Variants in WDR49 observed in about 807,000 individuals in gnomAD.
WDR49 encodes the protein WD repeat domain 49.
WDR49 carries 107 observed loss-of-function variants against 119.5 expected under a neutral mutation model. The observed-to-expected ratio is 0.90, with a 90% CI of 0.77 to 1.05. The LOEUF is 1.05. Among genes scored for constraint, WDR49 ranks in the 50% least tolerant of loss-of-function variants. The pLI is 0.00. For synonymous variants in WDR49, 425 were observed against 418.8 expected (o/e 1.01, Z -0.18); for missense variants, 1,240 against 1,220.5 (o/e 1.02, Z -0.24).
intron 2 of WDR49, among the ~76,000 whole-genome samples, chr3:167,630,183 C>T (rs1717306977): frequency 6.6e-6 from 1 of 152,052 alleles, no homozygotes; most frequent in Non-Finnish European, 1.5e-5. Context: ...AACAAAATTG[C>T]CACAGCCGTC....
At chr3:167,531,043 T>A in intron 13 of WDR49, 72 bp downstream of exon 13, 1 of 1,484,232 alleles carries the variant, frequency 6.7e-7, no homozygotes, top group Non-Finnish European at 9.1e-7. Context: ...CTACAAGATC[T>A]AGTAGAAATA....
intron 16 of WDR49, among the ~76,000 whole-genome samples, chr3:167,511,147 A>G (rs982413462): frequency 6.6e-6 from 1 of 152,212 alleles, no homozygotes; most frequent in African/African-American, 2.4e-5. Context: ...ATTCCTGATC[A>G]TATTCCTGGG....
chr3:167,546,099 G>C (rs888474714), intron 10 of WDR49, among the ~76,000 whole-genome samples: 6 of 151,752 alleles, frequency 4.0e-5, no homozygotes, highest in Non-Finnish European at 7.4e-5. Context: ...CAGTGGGAGA[G>C]AGAAGGTCAA....
intron 10 of WDR49, among the ~76,000 whole-genome samples, chr3:167,540,661 G>T (rs1184693091): frequency 6.6e-6 from 1 of 151,976 alleles, no homozygotes; most frequent in African/African-American, 2.4e-5. Context: ...ACCCGCAAAA[G>T]ACCACACTGG....
Position 167,532,980 on chromosome 3 carries a change from A to G in WDR49, c.1955-3T>C. ...AACAATTTCTCCATCATAACTCCCT[A>G]CACAAGACAGGATGGAGAATATAAA... is the stretch of plus-strand genomic sequence containing the variant. On this transcript the variant is annotated splice_region_variant and splice_polypyrimidine_tract_variant and intron_variant, in intron 11 of 18. Transcript: ENST00000682715. 1 of 1,580,836 alleles carries G rather than the reference A, an allele frequency of 6.3e-7. No homozygotes were observed. Among genetic ancestry groups the G allele is most frequent in the Non-Finnish European group, 8.6e-7 (1 of 1,157,098 alleles).
intron 6 of WDR49, 38 bp from the exon 7 acceptor site, chr3:167,602,313 G>T: frequency 2.6e-6 from 4 of 1,511,930 alleles, no homozygotes; most frequent in Non-Finnish European, 3.6e-6. Context: ...GTTTTTAATA[G>T]CATGAATAGC....
At chr3:167,482,571 C>T (rs1750758339) in intron 18 of WDR49, among the ~76,000 whole-genome samples, 1 of 148,982 alleles carries the variant, frequency 6.7e-6, no homozygotes, top group Admixed American at 6.7e-5. Flanking sequence ...CCCAGCTACT[C>T]GGGAGGCTGA....
At chr3:167,559,298 AG>A in intron 9 of WDR49, among the ~76,000 whole-genome samples, 1 of 152,320 alleles carries the variant, frequency 6.6e-6, no homozygotes, top group South Asian at 2.1e-4. Flanking sequence ...AAACATTCAA[AG>A]TTTATTCAGG....
At chr3:167,521,706 A>G (rs1402798751) in intron 16 of WDR49, among the ~76,000 whole-genome samples, 1 of 152,212 alleles carries the variant, frequency 6.6e-6, no homozygotes, top group Non-Finnish European at 1.5e-5. Context: ...ATTTAGCATG[A>G]AAGTTAAGTT....
chr3:167,541,851 GA>G (rs1171168256), intron 10 of WDR49, among the ~76,000 whole-genome samples: 5 of 152,004 alleles, frequency 3.3e-5, no homozygotes, highest in African/African-American at 4.8e-5. Flanking sequence ...TAAAGGGGTG[GA>G]AAAAGATATT....
chr3:167,603,565 A>C (rs1044256197), intron 6 of WDR49, among the ~76,000 whole-genome samples: 3 of 152,146 alleles, frequency 2.0e-5, no homozygotes, highest in African/African-American at 7.2e-5. Flanking sequence ...ATGTGAGTTA[A>C]TATGACCCAT....
chr3:167,507,592 G>A (rs1751821921), intron 16 of WDR49, among the ~76,000 whole-genome samples: 1 of 152,166 alleles, frequency 6.6e-6, no homozygotes, highest in Admixed American at 6.5e-5. Context: ...TCCCTTTAGA[G>A]TAGTTAACAA....
chr3:167,603,856 AAAAC>A (rs1157682220), intron 6 of WDR49, among the ~76,000 whole-genome samples: 2 of 152,066 alleles, frequency 1.3e-5, no homozygotes, highest in Non-Finnish European at 2.9e-5. Context: ...AGGTAATTGA[AAAAC>A]AGTCTACATT....
chr3:167,620,705 A>G (rs771963439), intron 4 of WDR49, 102 bp from the exon 5 acceptor site: 137 of 1,144,974 alleles, frequency 1.2e-4, no homozygotes, highest in Non-Finnish European at 1.5e-4. Context: ...TTAACTTAAT[A>G]AGAATTTCTT....
chr3:167,605,405 T>C (rs1716008017), intron 5 of WDR49, among the ~76,000 whole-genome samples: 1 of 152,088 alleles, frequency 6.6e-6, no homozygotes, highest in Non-Finnish European at 1.5e-5. Context: ...TTTACAGATA[T>C]CGTCTCTCAA....
upstream of WDR49, among the ~76,000 whole-genome samples, chr3:167,657,796 A>G (rs553361795): frequency 6.6e-6 from 1 of 152,276 alleles, no homozygotes; most frequent in East Asian, 1.9e-4. Flanking sequence ...TCACTGCTAC[A>G]GGAAGAGAAA....
intron 7 of WDR49, among the ~76,000 whole-genome samples, chr3:167,596,012 CA>C (rs1483137674): frequency 7.0e-6 from 1 of 142,390 alleles, no homozygotes; most frequent in Non-Finnish European, 1.5e-5. Context: ...TGAACTCAAA[CA>C]AATTTACAAG....
chr3:167,641,623 G>A (rs931465448), intron 2 of WDR49, among the ~76,000 whole-genome samples: 1 of 151,838 alleles, frequency 6.6e-6, no homozygotes, highest in Non-Finnish European at 1.5e-5. Flanking sequence ...TAACTTGGAA[G>A]TCCTATGTAG....
chr3:167,517,994 T>C (rs1752285998), intron 16 of WDR49, among the ~76,000 whole-genome samples: 1 of 152,106 alleles, frequency 6.6e-6, no homozygotes, highest in African/African-American at 2.4e-5. Flanking sequence ...GTTTGGTTTT[T>C]GTCCTTGCAA....
Sources: gnomAD v4.1 joint callset for allele counts (sites outside exome capture counted in the v4.1 genomes callset) on GRCh38, gnomAD v4.1.1 for gene constraint, MANE v1.5 for transcripts, NCBI Gene and HGNC (gene_info 2026-07-23, HGNC 2026-07-21) for gene names.